The following VPS13D variants were observed in gnomAD, a reference collection of about 807,000 sequenced individuals.
The protein encoded by VPS13D is intermembrane lipid transfer protein VPS13D.
Under a neutral mutation model 461.9 loss-of-function variants are expected in VPS13D, and 187 were observed. That is an observed-to-expected ratio of 0.40 (90% CI 0.36 to 0.46). The LOEUF is 0.46. Ranked by LOEUF, VPS13D falls within the 20% of genes least tolerant of loss-of-function variation. The pLI is 0.60. For missense variants in VPS13D, 4,711 were observed against 5,364.9 expected, an observed-to-expected ratio of 0.88 and a Z score of 3.81; for synonymous variants, 1,951 against 1,986.3, an observed-to-expected ratio of 0.98 and a Z score of 0.47.
At chr1:12,486,474 T>G (rs904262375) in intron 67 of VPS13D, among the ~76,000 whole-genome samples, 3 of 152,350 alleles carry the variant, frequency 2.0e-5, no homozygotes, top group South Asian at 2.1e-4. Context: ...GAGTGTCAAC[T>G]GTCTACAGGG....
chr1:12,257,090 A>G lies in VPS13D; in HGVS notation c.941+3A>G, dbSNP rs372431023. 44 of 1,612,894 alleles carry G rather than the reference A, an allele frequency of 2.7e-5. No individual in the cohort carries two copies. The highest frequency in any genetic ancestry group is 3.4e-5 in the Non-Finnish European group (40 of 1,178,978). On this transcript the variant is annotated splice_donor_region_variant and intron_variant, in intron 9 of 69. Coordinates refer to ENST00000620676, the MANE Select transcript of VPS13D (RefSeq NM_015378.4). ...CCCAAGGTGGCGATATCTAAGAAGT[A>G]AGGGCTTCTCAGTGTGGTCATGAAA...
At chr1:12,421,726 A>C (rs1644866807) in intron 65 of VPS13D, among the ~76,000 whole-genome samples, 1 of 152,200 alleles carries the variant, frequency 6.6e-6, no homozygotes, top group South Asian at 2.1e-4. Context: ...TGGTCTTCCT[A>C]AGGGAAGAAA....
At chr1:12,492,412 A>T (rs935799843) in intron 67 of VPS13D, among the ~76,000 whole-genome samples, 1 of 152,242 alleles carries the variant, frequency 6.6e-6, no homozygotes, top group African/African-American at 2.4e-5. Context: ...TTAAATTTAA[A>T]ATTCAGTCCT....
intron 29 of VPS13D, 23 bp from the exon 30 acceptor site, chr1:12,314,092 T>C (rs190384752): frequency 1.2e-4 from 196 of 1,607,470 alleles, no homozygotes; most frequent in Non-Finnish European, 1.2e-4. Context: ...CACATCTTGC[T>C]TGCTTTCTTT....
At chr1:12,390,011 A>C (rs1481347414) in intron 60 of VPS13D, among the ~76,000 whole-genome samples, 7 of 152,248 alleles carry the variant, frequency 4.6e-5, no homozygotes, top group Admixed American at 4.6e-4. Context: ...CTCTTGACCT[A>C]AAGTTAGGCG....
intron 6 of VPS13D, among the ~76,000 whole-genome samples, chr1:12,252,682 G>C (rs947124172): frequency 1.3e-5 from 2 of 151,060 alleles, no homozygotes; most frequent in African/African-American, 4.9e-5. Context: ...TGAGGCAGGA[G>C]AATCGCTTGA....
At chr1:12,338,427 G>A in intron 40 of VPS13D, 122 bp downstream of exon 40, 1 of 796,774 alleles carries the variant, frequency 1.3e-6, no homozygotes, top group Admixed American at 2.1e-5. Flanking sequence ...GAGTACTTTA[G>A]TAATAGGAAA....
chr1:12,268,319 A>G (rs1399097789), intron 15 of VPS13D, among the ~76,000 whole-genome samples: 1 of 149,190 alleles, frequency 6.7e-6, no homozygotes, highest in Non-Finnish European at 1.5e-5. Flanking sequence ...AAACCAGATC[A>G]GTAGTCTTTG....
chr1:12,460,926 G>A (rs889577292), intron 67 of VPS13D, among the ~76,000 whole-genome samples: 6 of 152,002 alleles, frequency 3.9e-5, no homozygotes, highest in African/African-American at 1.5e-4. Flanking sequence ...ACCCCATAAA[G>A]AAAAGTGCCA....
intron 60 of VPS13D, among the ~76,000 whole-genome samples, chr1:12,397,064 G>A (rs1353706983): frequency 6.6e-6 from 1 of 152,162 alleles, no homozygotes. Flanking sequence ...CTCCCAAATA[G>A]ATGGGATTAC....
chr1:12,258,001 T>TGCTCC lies in VPS13D; in HGVS notation c.1008_1009insGCTCC (p.Cys337AlafsTer26). 6.2e-7 allele frequency: 1 copy of TGCTCC among 1,614,236 alleles called. No individual in the cohort carries two copies. The highest frequency in any genetic ancestry group is 8.5e-7 in the Non-Finnish European group (1 of 1,180,042). On this transcript the variant is annotated frameshift_variant, in exon 10 of 70. Coordinates refer to ENST00000620676, the MANE Select transcript of VPS13D (RefSeq NM_015378.4). LOFTEE classifies it high-confidence loss of function. ...ATGAGATCAGAGAGCAGAGGAAACG[T>TGCTCC]TGCACCTGGGACTTTATGTTGCACC...
At chr1:12,415,343 G>A in intron 64 of VPS13D, 122 bp downstream of exon 64, 1 of 1,306,238 alleles carries the variant, frequency 7.7e-7, no homozygotes, top group Non-Finnish European at 1.1e-6. Flanking sequence ...CAACTCTGTT[G>A]TGTTACGGGT....
chr1:12,467,842 G>A (rs1645510163), intron 67 of VPS13D, among the ~76,000 whole-genome samples: 1 of 152,060 alleles, frequency 6.6e-6, no homozygotes, highest in African/African-American at 2.4e-5. Context: ...AGAAAGGAGA[G>A]CGTCTAATTT....
At chr1:12,447,534 C>T (rs1645208509) in intron 65 of VPS13D, among the ~76,000 whole-genome samples, 2 of 152,216 alleles carry the variant, frequency 1.3e-5, no homozygotes, top group Admixed American at 1.3e-4. Flanking sequence ...CCCTTACCTA[C>T]TCTGCCACAC....
At chr1:12,312,923 C>G (rs1475981911) in intron 29 of VPS13D, among the ~76,000 whole-genome samples, 2 of 152,192 alleles carry the variant, frequency 1.3e-5, no homozygotes, top group Non-Finnish European at 2.9e-5. Flanking sequence ...CCTAGTCCTT[C>G]GCTTATTTCT....
At chr1:12,296,839 T>C (rs1003626037) in intron 24 of VPS13D, among the ~76,000 whole-genome samples, 1 of 152,216 alleles carries the variant, frequency 6.6e-6, no homozygotes, top group Non-Finnish European at 1.5e-5. Flanking sequence ...TGGTAAGTCT[T>C]ATGGTGGTGA....
chr1:12,340,013 C>T (rs1643534186), intron 40 of VPS13D, among the ~76,000 whole-genome samples: 1 of 152,164 alleles, frequency 6.6e-6, no homozygotes, highest in Admixed American at 6.5e-5. Flanking sequence ...GGCCCTTTAT[C>T]TACTGTAATA....
intron 3 of VPS13D, among the ~76,000 whole-genome samples, 187 bp downstream of exon 3, chr1:12,242,777 TG>T (rs1640420686): frequency 6.6e-6 from 1 of 152,066 alleles, no homozygotes; most frequent in African/African-American, 2.4e-5. Flanking sequence ...GTGATGGTGG[TG>T]GGGAGGTCAG....
chr1:12,460,348 C>G lies in VPS13D; in HGVS notation c.12614C>G (p.Ser4205Ter). 1 of 1,612,600 alleles carries G rather than the reference C, an allele frequency of 6.2e-7. No individual in the cohort carries two copies. The highest frequency in any genetic ancestry group is 8.5e-7 in the Non-Finnish European group (1 of 1,179,218). ...KPVAGALDFA[S>*]ETAQAVRDTA... is the part of the protein sequence containing the mutation. Reference sequence around the variant, plus strand: ...GTGGCAGGCGCCCTGGATTTTGCATCAGAAACAGCCCAGGCGGTGAGAGAC... The same window carrying G: ...GTGGCAGGCGCCCTGGATTTTGCATGAGAAACAGCCCAGGCGGTGAGAGAC... The change falls in exon 67 of 70, where the codon TCA (serine) becomes TGA (stop). Residue 4205 changes from serine to a stop codon, truncating the protein, a stop_gained. Transcript: ENST00000620676. LOFTEE classifies it high-confidence loss of function.
Sources: allele counts gnomAD v4.1 joint callset (sites outside exome capture counted in the v4.1 genomes callset), GRCh38; gene constraint gnomAD v4.1.1; transcripts MANE v1.5; gene names NCBI Gene and HGNC (gene_info 2026-07-23, HGNC 2026-07-21).